The following IMMP2L variants were observed in gnomAD, a reference collection of about 807,000 sequenced individuals.
The protein encoded by IMMP2L is inner mitochondrial membrane peptidase subunit 2.
IMMP2L carries 18 observed loss-of-function variants against 19.3 expected under a neutral mutation model. The observed-to-expected ratio is 0.93, with a 90% CI of 0.64 to 1.38. The LOEUF (loss-of-function observed/expected upper bound fraction) is 1.38. IMMP2L is among the 40% of genes most tolerant of loss of function. IMMP2L has a pLI of 0.00. For missense variants in IMMP2L, 233 were observed against 218.2 expected (o/e 1.07, Z -0.43); for synonymous variants, 76 against 73.0 (o/e 1.04, Z -0.21).
At chr7:110,857,537 A>G (rs1365882313) in intron 5 of IMMP2L, among the ~76,000 whole-genome samples, 2 of 152,156 alleles carry the variant, frequency 1.3e-5, no homozygotes, top group Non-Finnish European at 2.9e-5. Flanking sequence ...CATTAGAATC[A>G]TATTAGGTAC....
chr7:110,973,768 C>T (rs1404079863), intron 3 of IMMP2L, among the ~76,000 whole-genome samples: 1 of 152,082 alleles, frequency 6.6e-6, no homozygotes, highest in East Asian at 1.9e-4. Flanking sequence ...TTCAGAGCAT[C>T]GGTCCCCTAA....
At chr7:110,673,144 C>T (rs1171142617) in intron 5 of IMMP2L, among the ~76,000 whole-genome samples, 4 of 152,224 alleles carry the variant, frequency 2.6e-5, no homozygotes, top group Non-Finnish European at 4.4e-5. Context: ...ATGGAGGTTC[C>T]CAAACCTCAA....
intron 4 of IMMP2L, among the ~76,000 whole-genome samples, chr7:110,944,720 C>T (rs1238496029): frequency 6.6e-6 from 1 of 151,820 alleles, no homozygotes; most frequent in Non-Finnish European, 1.5e-5. Context: ...CAGTCAGAAT[C>T]TGACACTTTA....
At chr7:110,737,331 TG>T (rs1303985519) in intron 5 of IMMP2L, among the ~76,000 whole-genome samples, 5 of 152,130 alleles carry the variant, frequency 3.3e-5, no homozygotes, top group Non-Finnish European at 7.3e-5. Flanking sequence ...GTGCCATTGG[TG>T]GGGCACAGTG....
intron 2 of IMMP2L, among the ~76,000 whole-genome samples, chr7:111,511,141 C>T (rs1158542674): frequency 6.6e-6 from 1 of 152,062 alleles, no homozygotes; most frequent in African/African-American, 2.4e-5. Context: ...CATCATTAGT[C>T]ATCCCTCTTA....
At chr7:110,829,595 C>CA (rs763408594) in intron 5 of IMMP2L, among the ~76,000 whole-genome samples, 119 of 151,382 alleles carry the variant, frequency 7.9e-4, no homozygotes, top group Non-Finnish European at 1.2e-3. Context: ...CTTAGAAAAA[C>CA]AAAAAAACAA....
At chr7:110,811,676 G>A (rs1486170613) in intron 5 of IMMP2L, among the ~76,000 whole-genome samples, 1 of 152,036 alleles carries the variant, frequency 6.6e-6, no homozygotes, top group East Asian at 1.9e-4. Context: ...ACAGTAAAGT[G>A]TTATGCAAAC....
chr7:111,556,015 C>CAT (rs1491205083), intron 1 of IMMP2L, among the ~76,000 whole-genome samples: 5 of 13,378 alleles, frequency 3.7e-4, no homozygotes, highest in Middle Eastern at 0.071. Context: ...CTTCTGTGTG[C>CAT]ATGTATATAT....
At chr7:110,903,187 G>C (rs1490447559) in intron 4 of IMMP2L, among the ~76,000 whole-genome samples, 1 of 152,070 alleles carries the variant, frequency 6.6e-6, no homozygotes, top group African/African-American at 2.4e-5. Context: ...ACTGATTACG[G>C]GGCAATATTT....
At chr7:110,861,069 T>TTGTG (rs754363475) in intron 5 of IMMP2L, among the ~76,000 whole-genome samples, 1,406 of 128,868 alleles carry the variant, frequency 0.011, 26 homozygotes, top group African/African-American at 0.035. Flanking sequence ...CACCAGCAGT[T>TTGTG]TGTGTGTGTG....
chr7:111,550,468 C>G (rs1219516835), intron 1 of IMMP2L, among the ~76,000 whole-genome samples: 2 of 152,048 alleles, frequency 1.3e-5, no homozygotes, highest in Non-Finnish European at 2.9e-5. Flanking sequence ...AATGATGTGT[C>G]CATGTAGTTT....
At chr7:110,731,499 G>A (rs1288068508) in intron 5 of IMMP2L, among the ~76,000 whole-genome samples, 1 of 152,102 alleles carries the variant, frequency 6.6e-6, no homozygotes, top group Non-Finnish European at 1.5e-5. Context: ...TTGCAATAAT[G>A]AACTCTACCA....
chr7:110,867,600 A>AT (rs967455006), intron 5 of IMMP2L, among the ~76,000 whole-genome samples: 111 of 149,734 alleles, frequency 7.4e-4, no homozygotes, highest in African/African-American at 1.2e-3. Flanking sequence ...AGTCCCACGT[A>AT]TTTTTTTTTT....
At chr7:111,251,453 A>G (rs1816109953) in intron 3 of IMMP2L, among the ~76,000 whole-genome samples, 1 of 152,116 alleles carries the variant, frequency 6.6e-6, no homozygotes, top group Non-Finnish European at 1.5e-5. Flanking sequence ...ACTTGCGCAC[A>G]TATGTTCCAT....
chr7:111,186,361 T>C (rs1398874250), intron 3 of IMMP2L, among the ~76,000 whole-genome samples: 2 of 152,148 alleles, frequency 1.3e-5, no homozygotes, highest in East Asian at 3.8e-4. Context: ...TTGTTCCTCT[T>C]TTCTGCCTAA....
chr7:110,804,203 G>A (rs1801457242), intron 5 of IMMP2L, among the ~76,000 whole-genome samples: 1 of 151,826 alleles, frequency 6.6e-6, no homozygotes, highest in South Asian at 2.1e-4. Context: ...TCTGATCTTG[G>A]TATTAGAAAC....
intron 3 of IMMP2L, among the ~76,000 whole-genome samples, chr7:111,055,064 T>TTC (rs1563198389): frequency 2.0e-5 from 3 of 150,956 alleles, no homozygotes; most frequent in African/African-American, 4.9e-5. Context: ...TTTTTTTTTT[T>TTC]CCCAGAAACA....
At chr7:110,811,458 T>C (rs57393191) in intron 5 of IMMP2L, among the ~76,000 whole-genome samples, 15,039 of 152,046 alleles carry the variant, frequency 0.099, 968 homozygotes, top group African/African-American at 0.17. Context: ...CAATTTATTA[T>C]AAATATCATT....
intron 3 of IMMP2L, among the ~76,000 whole-genome samples, chr7:111,047,698 A>T (rs1427577123): frequency 6.6e-6 from 1 of 152,110 alleles, no homozygotes; most frequent in Non-Finnish European, 1.5e-5. Flanking sequence ...ATTGAGACAG[A>T]CAGACTTGGT....
Sources: allele counts gnomAD v4.1 joint callset (sites outside exome capture counted in the v4.1 genomes callset), GRCh38; gene constraint gnomAD v4.1.1; transcripts MANE v1.5; gene names NCBI Gene and HGNC (gene_info 2026-07-23, HGNC 2026-07-21).